Variants in PRSS23 observed in about 807,000 individuals in gnomAD.
PRSS23 encodes the protein serine protease 23.
A neutral mutation model predicts 34.7 loss-of-function variants in PRSS23; 25 were observed. That is an observed-to-expected ratio of 0.72 (90% confidence interval 0.53 to 1.01). PRSS23 has a LOEUF of 1.01. Among genes scored for constraint, PRSS23 ranks in the 50% least tolerant of loss-of-function variants. The pLI is 0.00. For synonymous variants in PRSS23, 176 were observed against 186.6 expected (o/e 0.94, Z 0.46); for missense variants, 445 against 475.6 (o/e 0.94, Z 0.60).
chr11:86,823,471 G>C lies in PRSS23; in HGVS notation c.84G>C (p.Ser28=), dbSNP rs561236849. 3.8e-4 allele frequency: 265 copies of C among 702,392 alleles called. 1 individual carries two copies. The South Asian group carries it at 3.8e-3, about 10-fold the overall frequency. The allele number at this position is 702,392 out of a possible 1,614,324, so 43.5% of individuals were successfully genotyped here. ...TGAAGCGAGAGGGCTCAACAGTTTC[G>C]AATTCAATTCAACCACCACCTCCTG... is the stretch of plus-strand genomic sequence containing the variant. The change falls in exon 2 of 3, where the codon TCG becomes TCC. Residue 28 remains serine, a synonymous_variant. Transcript: ENST00000533902.
At chr11:86,906,045 C>T (rs1161960251) in intron 2 of PRSS23, among the ~76,000 whole-genome samples, 1 of 152,178 alleles carries the variant, frequency 6.6e-6, no homozygotes, top group Non-Finnish European at 1.5e-5. Flanking sequence ...AGAGCCTACT[C>T]CAAGCCAAAT....
At chr11:86,853,066 C>A (rs1948542070) in intron 2 of PRSS23, among the ~76,000 whole-genome samples, 1 of 151,564 alleles carries the variant, frequency 6.6e-6, no homozygotes, top group African/African-American at 2.4e-5. Flanking sequence ...ATTGGCCAGG[C>A]TGGTCTCAAA....
At chr11:86,935,363 C>A (rs1125018) in intron 2 of PRSS23, 94,991 of 152,048 alleles carry the variant, frequency 0.62, 30,177 homozygotes, top group Non-Finnish European at 0.69. Context: ...GTGTTTAATG[C>A]GGGAAAAGAT....
At chr11:86,919,376 G>A (rs986645872) in intron 2 of PRSS23, among the ~76,000 whole-genome samples, 6 of 152,218 alleles carry the variant, frequency 3.9e-5, no homozygotes, top group African/African-American at 7.2e-5. Context: ...CCACTCTCTC[G>A]TTGTGGGCAC....
rs1948161554 is a variant in PRSS23, at chr11:86,810,172, GTA to G, written c.*1379_*1380del. ...TATACAGAAAAGACTTGGACTTATT[GTA>G]TGTTTTTATTTTATGGCTCTCGGCC... On this transcript the variant is annotated 3_prime_UTR_variant, in exon 2 of 2. Transcript: ENST00000280258. The G allele has an allele frequency of 6.0e-6, 1 of 166,730 alleles. No homozygotes were observed. Among genetic ancestry groups the G allele is most frequent in the South Asian group, 2.1e-4 (1 of 4,832 alleles). The allele number at this position is 166,730 out of a possible 1,614,324, so 10.3% of individuals were successfully genotyped here.
chr11:86,848,529 C>T (rs1319675122), intron 2 of PRSS23, among the ~76,000 whole-genome samples: 1 of 152,136 alleles, frequency 6.6e-6, no homozygotes, highest in African/African-American at 2.4e-5. Context: ...CACCATTACC[C>T]AGGGAAAAGA....
intron 2 of PRSS23, among the ~76,000 whole-genome samples, chr11:86,824,180 T>A (rs939766271): frequency 2.0e-5 from 3 of 151,264 alleles, no homozygotes; most frequent in African/African-American, 7.3e-5. Context: ...TGGCCCCGTA[T>A]GCCTGTGGTT....
intron 2 of PRSS23, among the ~76,000 whole-genome samples, chr11:86,849,231 A>G (rs1399221115): frequency 2.0e-5 from 3 of 152,204 alleles, no homozygotes; most frequent in African/African-American, 4.8e-5. Flanking sequence ...TTACTATCTG[A>G]GGAATCTTAG....
chr11:86,820,117 G>A (rs953437398), intron 1 of PRSS23, among the ~76,000 whole-genome samples: 1 of 152,050 alleles, frequency 6.6e-6, no homozygotes, highest in Non-Finnish European at 1.5e-5. Flanking sequence ...TGTGGGGAGG[G>A]GGTGTAAAAT....
chr11:86,833,152 A>G (rs1850310595), intron 2 of PRSS23: 2 of 798,478 alleles, frequency 2.5e-6, no homozygotes, highest in Non-Finnish European at 4.3e-6. Flanking sequence ...AACAGCAAAG[A>G]GAGACATCTG....
chr11:86,873,296 AT>A (rs1047468718), intron 2 of PRSS23, among the ~76,000 whole-genome samples: 8 of 112,444 alleles, frequency 7.1e-5, no homozygotes, highest in African/African-American at 1.2e-4. Context: ...ATATATATAT[AT>A]TTTTTTTCTT....
intron 1 of PRSS23, among the ~76,000 whole-genome samples, chr11:86,818,165 C>T (rs1326865691): frequency 6.6e-6 from 1 of 152,130 alleles, no homozygotes; most frequent in African/African-American, 2.4e-5. Context: ...AAAATATGTG[C>T]ACATATCTGC....
At chr11:86,904,576 A>G (rs1948930376) in intron 2 of PRSS23, among the ~76,000 whole-genome samples, 3 of 152,142 alleles carry the variant, frequency 2.0e-5, no homozygotes, top group Admixed American at 6.5e-5. Context: ...CCACCTGAGC[A>G]TTATTCCTCT....
upstream of PRSS23, among the ~76,000 whole-genome samples, chr11:86,796,497 C>T (rs894822848): frequency 4.0e-5 from 6 of 151,412 alleles, no homozygotes; most frequent in African/African-American, 4.8e-5. Flanking sequence ...AAAAATTAGC[C>T]GGGCGTGGTA....
intron 2 of PRSS23, chr11:86,947,678 C>T (rs1949255199): frequency 6.6e-6 from 1 of 152,218 alleles, no homozygotes; most frequent in Admixed American, 6.5e-5. Context: ...GGAAATGGGT[C>T]TCCATAAAGG....
rs147297027 is a variant in PRSS23, at chr11:86,807,849, G to A, written c.206G>A (p.Cys69Tyr). The stretch of plus-strand genomic sequence containing the variant: ...GTATCTTCTTCATGTGGACCCCAGT[G>A]TCATAAGGGAACTCCACTGCCCACT... ...LEVSSSCGPQ[C>Y]HKGTPLPTYE... is the part of the protein sequence containing the mutation. Residue 69 changes from cysteine (C) to tyrosine (Y), a missense_variant, in exon 2 of 2, where the codon TGT becomes TAT. Coordinates refer to ENST00000280258, the MANE Select transcript of PRSS23 (RefSeq NM_007173.6). 1.9e-6 allele frequency: 3 copies of A among 1,614,108 alleles called. No homozygotes were observed. Among genetic ancestry groups the A allele is most frequent in the Non-Finnish European group, 2.5e-6 (3 of 1,180,028 alleles).
chr11:86,821,745 G>T (rs757696520), intron 1 of PRSS23: 2 of 1,320,840 alleles, frequency 1.5e-6, no homozygotes, highest in South Asian at 1.3e-5. Context: ...CAAAGTGTTC[G>T]TCAGGCCAAT....
chr11:86,905,205 A>G lies in PRSS23; in HGVS notation c.207-46011A>G, dbSNP rs1156678803. On this transcript the variant is annotated intron_variant, in intron 2 of 2. Transcript: ENST00000533902. ...TAGACTGTGCGCTAAAGGCAGAGAT[A>G]GGCCTTCCTTCTCTTTGTACCTCTA... Among the ~76,000 whole-genome samples the G allele has an allele frequency of 9.2e-5, 14 of 152,382 alleles. No individual in the cohort carries two copies. In the East Asian group the frequency reaches 2.7e-3, roughly 29 times the overall value.
chr11:86,913,896 G>A (rs1250035326), intron 2 of PRSS23, among the ~76,000 whole-genome samples: 1 of 151,268 alleles, frequency 6.6e-6, no homozygotes, highest in Non-Finnish European at 1.5e-5. Flanking sequence ...GAAACTGGTT[G>A]TGATGACACT....
Sources: allele counts gnomAD v4.1 joint callset (sites outside exome capture counted in the v4.1 genomes callset), GRCh38; gene constraint gnomAD v4.1.1; transcripts MANE v1.5; gene names NCBI Gene and HGNC (gene_info 2026-07-23, HGNC 2026-07-21).